Variants in ACE observed in about 807,000 individuals in gnomAD.
The protein encoded by ACE is angiotensin-converting enzyme.
Under a neutral mutation model 162.3 loss-of-function variants are expected in ACE, and 122 were observed. That is an observed-to-expected ratio of 0.75 (90% CI 0.65 to 0.87). ACE has a LOEUF of 0.87. Ranked by LOEUF, ACE falls within the 40% of genes least tolerant of loss-of-function variation. The probability of loss-of-function intolerance (pLI) is 0.00; values close to 1 mark genes in which losing one functional copy is unlikely to be tolerated. For synonymous variants in ACE, 796 were observed against 720.6 expected (o/e 1.10, Z -1.68); for missense variants, 1,799 against 1,735.1 (o/e 1.04, Z -0.65).
In ACE at chr17:63,489,102, C is replaced by T. The variant is rs376968481; in HGVS notation, c.2611C>T (p.Leu871=). 1 of 1,612,268 alleles carries T rather than the reference C, an allele frequency of 6.2e-7. No homozygotes were observed. Among genetic ancestry groups the T allele is most frequent in the African/African-American group, 1.3e-5 (1 of 74,946 alleles). ...HRHYGAQHIN[L]EGPIPAHLLG... is the part of the protein sequence containing the mutation. The stretch of plus-strand genomic sequence containing the variant: ...TCACTACGGGGCCCAGCACATCAAC[C>T]TGGAGGGGCCCATTCCTGCTCACCT... The change falls in exon 17 of 25, where the codon CTG becomes TTG. Residue 871 remains leucine, a synonymous_variant. Coordinates refer to ENST00000290866, the MANE Select transcript of ACE (RefSeq NM_000789.4).
rs12709435 is a variant in ACE, at chr17:63,491,659, G to A, written c.2912+278G>A. On this transcript the variant is annotated intron_variant, in intron 19 of 24. Coordinates refer to ENST00000290866, the MANE Select transcript of ACE (RefSeq NM_000789.4). This position sits in a 1 kb window ranked among gnomAD's most constrained non-coding sequence, Gnocchi z 4.4. The stretch of plus-strand genomic sequence containing the variant: ...GGGTTTGAGCATGGTAGGCTGCCCC[G>A]CGTCCCTCCTTGGGAGCAGCCCCTG... 0.034 allele frequency among the ~76,000 whole-genome samples: 5,158 copies of A among 152,228 alleles called. 270 individuals are homozygous for A. Among genetic ancestry groups the A allele is most frequent in the African/African-American group, 0.12 (4,853 of 41,520 alleles).
In ACE at chr17:63,496,381, C is replaced by T. The variant is rs758249175; in HGVS notation, c.3381-13C>T. 4 of 1,614,152 alleles carry T rather than the reference C, an allele frequency of 2.5e-6. No individual in the cohort carries two copies. The highest frequency in any genetic ancestry group is 3.4e-6 in the Non-Finnish European group (4 of 1,180,024). ...CCAACTCCGCCCCGGGCCACGGCCT[C>T]GCTCTGCTCCAGGTACTTTGTCAGC... On this transcript the variant is annotated splice_polypyrimidine_tract_variant and intron_variant, in intron 22 of 24. Coordinates refer to ENST00000290866, the MANE Select transcript of ACE (RefSeq NM_000789.4).
In ACE at chr17:63,494,480, A is replaced by G; in HGVS notation, c.3380+10A>G. The G allele has an allele frequency of 6.2e-7, 1 of 1,610,894 alleles. No individual in the cohort carries two copies. Among genetic ancestry groups the G allele is most frequent in the South Asian group, 1.1e-5 (1 of 90,794 alleles). On this transcript the variant is annotated intron_variant, in intron 22 of 24. Coordinates refer to ENST00000290866, the MANE Select transcript of ACE (RefSeq NM_000789.4). The stretch of plus-strand genomic sequence containing the variant: ...GCGTGCCTTACATCAGGTAACGGGA[A>G]AGGCAGGAGGGCACATTGTGAGGGG...
intron 21 of ACE, 35 bp downstream of exon 21, chr17:63,494,101 G>T: frequency 6.2e-7 from 1 of 1,612,344 alleles, no homozygotes; most frequent in African/African-American, 1.3e-5. Context: ...CGGGCTGGGG[G>T]ATCTCTGCGA....
rs959741765 is a variant in ACE, at chr17:63,496,985, G to A, written c.3691G>A (p.Ala1231Thr). 9.3e-6 allele frequency: 15 copies of A among 1,608,482 alleles called. No individual in the cohort carries two copies. The highest frequency in any genetic ancestry group is 2.2e-5 in the East Asian group (1 of 44,712). The change falls in exon 24 of 25, where the codon GCT (alanine) becomes ACT (threonine). Residue 1231 changes from alanine (A) to threonine (T), a missense_variant and splice_region_variant. Coordinates refer to ENST00000290866, the MANE Select transcript of ACE (RefSeq NM_000789.4). ...GCAGTACAACTGGACGCCGAACTCC[G>A]GTACCGCCACCCACCCCACCTCCAG... ...WPQYNWTPNS[A>T]RSEGPLPDSG...
chr17:63,484,865 GCC>G lies in ACE; in HGVS notation c.1921+325_1921+326del. 6.3e-7 allele frequency: 1 copy of G among 1,578,058 alleles called. No individual in the cohort carries two copies. The highest frequency in any genetic ancestry group is 1.2e-5 in the South Asian group (1 of 86,380). On this transcript the variant is annotated intron_variant, in intron 12 of 24. Transcript: ENST00000290866. This position sits in a 1 kb window ranked among gnomAD's most constrained non-coding sequence, Gnocchi z 4.0. The stretch of plus-strand genomic sequence containing the variant: ...AGCTGCAGGACTCTGCTCTCCTGCG[GCC>G]ATGGGCCAGGGTTGGGCTACTGCAG...
intron 19 of ACE, among the ~76,000 whole-genome samples, chr17:63,492,214 A>AGC (rs1476046572): frequency 6.6e-6 from 1 of 152,226 alleles, no homozygotes; most frequent in Non-Finnish European, 1.5e-5. Flanking sequence ...CCTGGCAGCC[A>AGC]GCATCCCCCA....
At position 63,491,259 on chromosome 17, in the gene ACE, C is replaced by T; in HGVS notation, c.2790C>T (p.Ser930=). ...MFKEADDFFT[S]LGLLPVPPEF... ...AGGAGGCTGATGATTTCTTCACCTC[C>T]CTGGGGCTGCTGCCCGTGCCTCCTG... is the stretch of plus-strand genomic sequence containing the variant. Residue 930 remains serine, a synonymous_variant, in exon 19 of 25, where the codon TCC becomes TCT. Transcript: ENST00000290866. This position sits in a 1 kb window ranked among gnomAD's most constrained non-coding sequence, Gnocchi z 4.4. 2 of 1,614,146 alleles carry T rather than the reference C, an allele frequency of 1.2e-6. No individual in the cohort carries two copies. The highest frequency in any genetic ancestry group is 1.7e-6 in the Non-Finnish European group (2 of 1,180,022).
chr17:63,488,455 C>CAGG, intron 15 of ACE, 193 bp from the exon 16 acceptor site: 1 of 473,952 alleles, frequency 2.1e-6, no homozygotes, highest in Non-Finnish European at 3.7e-6. Flanking sequence ...CATGTGGCCC[C>CAGG]AGGCCGGGGA....
chr17:63,477,249 G>C lies in ACE; in HGVS notation c.155G>C (p.Ser52Thr). 4 of 1,504,398 alleles carry C rather than the reference G, an allele frequency of 2.7e-6. No individual in the cohort carries two copies. The South Asian group carries it at 4.9e-5, about 19-fold the overall frequency. 93.2% of individuals were successfully genotyped at this position (1,504,398 alleles called of 1,614,324 possible). A position where few individuals can be genotyped will look rare whatever the true frequency, so the allele number is the denominator to read the frequency against. ...DEAGAQLFAQ[S>T]YNSSAEQVLF... ...GCCGGGGCGCAGCTCTTCGCGCAGA[G>C]CTACAACTCCAGCGCCGAACAGGTG... The change falls in exon 1 of 25, where the codon AGC (serine) becomes ACC (threonine). Residue 52 changes from serine to threonine, a missense_variant. Coordinates refer to ENST00000290866, the MANE Select transcript of ACE (RefSeq NM_000789.4).
chr17:63,496,719 G>T (rs2030757557), intron 23 of ACE, 79 bp from the exon 24 acceptor site: 13 of 1,595,046 alleles, frequency 8.2e-6, no homozygotes, highest in Non-Finnish European at 1.1e-5. Flanking sequence ...CTGGGAGTGG[G>T]TATGGAGAGT....
chr17:63,477,076 G>C lies in ACE; in HGVS notation c.-19G>C. ...GCGGCGCAGGAGAAGGGGCAGAGCC[G>C]AGCACCGCGCACCGCGTCATGGGGG... On this transcript the variant is annotated 5_prime_UTR_variant, in exon 1 of 25. Transcript: ENST00000290866. 1.5e-6 allele frequency: 2 copies of C among 1,296,320 alleles called. No individual in the cohort carries two copies. The highest frequency in any genetic ancestry group is 1.9e-6 in the Non-Finnish European group (2 of 1,029,272). The allele number at this position is 1,296,320 out of a possible 1,614,324, so 80.3% of individuals were successfully genotyped here.
chr17:63,481,217 TGGGGGTCGGGGGTGGG>T, intron 6 of ACE, 29 bp downstream of exon 6: 1 of 428,746 alleles, frequency 2.3e-6, no homozygotes, highest in Non-Finnish European at 3.8e-6. Context: ...CCTGGGGTGG[TGGGGGTCGGGGGTGGG>T]GCGCAAAAAA....
Position 63,484,343 on chromosome 17 carries a change from G to A in ACE, c.1723G>A (p.Ala575Thr). Residue 575 changes from alanine to threonine, a missense_variant, in exon 12 of 25, where the codon GCT (alanine) becomes ACT (threonine). Coordinates refer to ENST00000290866, the MANE Select transcript of ACE (RefSeq NM_000789.4). This position sits in a 1 kb window ranked among gnomAD's most constrained non-coding sequence, Gnocchi z 4.0. Reference sequence around the variant, plus strand: ...TCTGCCCACCAGGAAGGTGCTGCAGGCTGGCTCCTCCAGGCCCTGGCAGGA... The same window carrying A: ...TCTGCCCACCAGGAAGGTGCTGCAGACTGGCTCCTCCAGGCCCTGGCAGGA... ...AGAKLRKVLQ[A>T]GSSRPWQEVL... 1.2e-6 allele frequency: 2 copies of A among 1,610,716 alleles called. No homozygotes were observed. Among genetic ancestry groups the A allele is most frequent in the Non-Finnish European group, 8.5e-7 (1 of 1,179,786 alleles).
At chr17:63,480,999 A>G (rs994521258) in intron 5 of ACE, 92 bp from the exon 6 acceptor site, 8 of 1,256,476 alleles carry the variant, frequency 6.4e-6, no homozygotes, top group Non-Finnish European at 8.2e-6. Flanking sequence ...CCCAGGGTAC[A>G]GGTGCCGGCC....
rs747468591 is a variant in ACE at position 63,484,656 on chromosome 17, G to A, written c.1921+115G>A. The A allele has an allele frequency of 2.8e-6, 4 of 1,452,270 alleles. No individual in the cohort carries two copies. The highest frequency in any genetic ancestry group is 3.7e-6 in the Non-Finnish European group (4 of 1,095,874). 90.0% of individuals were successfully genotyped at this position (1,452,270 alleles called of 1,614,324 possible). A position where few individuals can be genotyped will look rare whatever the true frequency, so the allele number is the denominator to read the frequency against. On this transcript the variant is annotated intron_variant, in intron 12 of 24. Coordinates refer to ENST00000290866, the MANE Select transcript of ACE (RefSeq NM_000789.4). The surrounding 1 kb of genome is among the most constrained non-coding windows in gnomAD (Gnocchi z 4.0). ...CAGCTGAGCCCTGGTACCCTGTCCT[G>A]GAGGGCCAGGCAGCCCCCCAAGCTC...
chr17:63,488,967 AG>A lies in ACE; in HGVS notation c.2478del (p.Arg826SerfsTer86), dbSNP rs1441728993. ...CTATGTAGATGCAGGGGACTCGTGG[AG>A]GTCTATGTACGAGACACCATCCCTG... ...NGYVDAGDSW[R>X]SMYETPSLEQ... On this transcript the variant is annotated frameshift_variant, in exon 17 of 25. Transcript: ENST00000290866. LOFTEE classifies it high-confidence loss of function. 9 of 1,614,106 alleles carry A rather than the reference AG, an allele frequency of 5.6e-6. No homozygotes were observed. The highest frequency in any genetic ancestry group is 6.8e-6 in the Non-Finnish European group (8 of 1,180,026).
chr17:63,493,498 A>G lies in ACE; in HGVS notation c.2975A>G (p.His992Arg), dbSNP rs771384705. The G allele has an allele frequency of 2.5e-6, 4 of 1,613,888 alleles. No individual in the cohort carries two copies. Among genetic ancestry groups the G allele is most frequent in the Non-Finnish European group, 3.4e-6 (4 of 1,180,032 alleles). ...DLVVAHHEMG[H>R]IQYFMQYKDL... ...GTGGTGGCCCACCACGAAATGGGCC[A>G]CATCCAGTATTTCATGCAGTACAAA... is the stretch of plus-strand genomic sequence containing the variant. The change falls in exon 20 of 25, where the codon CAC becomes CGC. Residue 992 changes from histidine to arginine, a missense_variant. Coordinates refer to ENST00000290866, the MANE Select transcript of ACE (RefSeq NM_000789.4).
rs1416827345 is a variant in ACE, at chr17:63,491,072, AG to A, written c.2739+24del. 2 of 1,613,360 alleles carry A rather than the reference AG, an allele frequency of 1.2e-6. No individual in the cohort carries two copies. Among genetic ancestry groups the A allele is most frequent in the Admixed American group, 3.3e-5 (2 of 60,012 alleles). On this transcript the variant is annotated intron_variant, in intron 18 of 24. Coordinates refer to ENST00000290866, the MANE Select transcript of ACE (RefSeq NM_000789.4). The surrounding 1 kb of genome is among the most constrained non-coding windows in gnomAD (Gnocchi z 4.4). ...AGCAGGTCCGCACCAGCCCAGGGGC[AG>A]GGAGGCCCCGCCGGGATGGGAGGGA...
Sources: allele counts gnomAD v4.1 joint callset (sites outside exome capture counted in the v4.1 genomes callset), GRCh38; gene constraint gnomAD v4.1.1; non-coding constraint Gnocchi (gnomAD v3.1); transcripts MANE v1.5; gene names NCBI Gene and HGNC (gene_info 2026-07-23, HGNC 2026-07-21).